INTS4: variants seen among roughly 807,000 people sequenced by gnomAD.
The protein encoded by INTS4 is integrator complex subunit 4, also known as MSTP093.
A neutral mutation model predicts 119.5 loss-of-function variants in INTS4; 70 were observed. The ratio of observed to expected loss-of-function variants is 0.59; its 90% CI spans 0.48 to 0.71. INTS4 has a LOEUF of 0.71. INTS4 is among the 30% of genes least tolerant of loss of function. INTS4 has a pLI of 0.00. For synonymous variants in INTS4, 316 were observed against 419.6 expected, an observed-to-expected ratio of 0.75 and a Z score of 3.02; for missense variants, 867 against 1,173.2, an observed-to-expected ratio of 0.74 and a Z score of 3.81.
intron 15 of INTS4, among the ~76,000 whole-genome samples, chr11:77,912,897 C>T (rs1231189308): frequency 2.6e-5 from 4 of 152,158 alleles, no homozygotes; most frequent in African/African-American, 9.7e-5. Context: ...TAAAAAATCC[C>T]ATGTTCTTCA....
At chr11:77,961,214 A>G in intron 4 of INTS4, 76 bp from the exon 5 acceptor site, 8 of 1,432,466 alleles carry the variant, frequency 5.6e-6, no homozygotes, top group East Asian at 2.5e-5. Context: ...ACAAACACAG[A>G]CAAGACCAGA....
At chr11:77,894,971 G>A (rs191315090) in intron 18 of INTS4, among the ~76,000 whole-genome samples, 80 of 152,250 alleles carry the variant, frequency 5.3e-4, no homozygotes, top group African/African-American at 1.9e-3. Context: ...GATACTGTAA[G>A]GGCTCCAAGA....
Position 77,948,555 on chromosome 11 carries a change from G to A in INTS4, c.919-7304C>T, listed in dbSNP as rs545201172. On this transcript the variant is annotated intron_variant, in intron 8 of 22. Transcript: ENST00000534064. ...CCCGGTACTGGGGAGGTTGGGGCAC[G>A]AGAACCACTTGAACCCAGGAGGTGA... Among the ~76,000 whole-genome samples, 121 of 151,182 alleles carry A rather than the reference G, an allele frequency of 8.0e-4. 1 individual carries two copies. Among genetic ancestry groups the A allele is most frequent in the African/African-American group, 2.7e-3 (112 of 41,150 alleles).
At chr11:77,928,627 C>T (rs1953569739) in intron 10 of INTS4, 80 bp from the exon 11 acceptor site, 1 of 1,523,342 alleles carries the variant, frequency 6.6e-7, no homozygotes, top group African/African-American at 1.4e-5. Context: ...TTTGGGAGGC[C>T]AAGGGAGGCA....
chr11:77,983,982 A>G (rs1856352779), intron 2 of INTS4, among the ~76,000 whole-genome samples: 1 of 152,238 alleles, frequency 6.6e-6, no homozygotes, highest in Non-Finnish European at 1.5e-5. Context: ...AAGCAATGCA[A>G]GTATCCATTG....
At chr11:77,951,861 G>A (rs1338014321) in intron 8 of INTS4, among the ~76,000 whole-genome samples, 2 of 152,112 alleles carry the variant, frequency 1.3e-5, no homozygotes, top group Admixed American at 6.6e-5. Context: ...AAGGATATGA[G>A]CAGACACTTC....
In INTS4 at chr11:77,901,273, C is replaced by G. The variant is rs1350463533; in HGVS notation, c.2228+148G>C. 5 of 852,100 alleles carry G rather than the reference C, an allele frequency of 5.9e-6. No homozygotes were observed. In the Admixed American group the frequency reaches 6.3e-5, roughly 11 times the overall value. 52.8% of individuals were successfully genotyped at this position (852,100 alleles called of 1,614,324 possible). ...GATCCAACAACAGAATTTGTAATAT[C>G]TGAAAAAAATGAATAGATCACACAT... On this transcript the variant is annotated intron_variant, in intron 18 of 22. Transcript: ENST00000534064.
chr11:77,983,573 T>C (rs1165508312), intron 2 of INTS4, among the ~76,000 whole-genome samples: 1 of 152,088 alleles, frequency 6.6e-6, no homozygotes, highest in East Asian at 1.9e-4. Context: ...AATAAACACA[T>C]GAAAAGAGGC....
At chr11:77,881,299 C>T (rs1304958626) in intron 22 of INTS4, among the ~76,000 whole-genome samples, 1 of 152,202 alleles carries the variant, frequency 6.6e-6, no homozygotes, top group East Asian at 1.9e-4. Flanking sequence ...GACTGAGCTT[C>T]CTACGTGGCA....
chr11:77,907,138 TGG>T (rs1327895333), intron 16 of INTS4, among the ~76,000 whole-genome samples: 1 of 152,226 alleles, frequency 6.6e-6, no homozygotes, highest in African/African-American at 2.4e-5. Flanking sequence ...TCATCCAGGC[TGG>T]AGTGCAATCT....
intron 2 of INTS4, among the ~76,000 whole-genome samples, chr11:77,986,374 A>G (rs754944115): frequency 1.1e-4 from 17 of 152,178 alleles, no homozygotes; most frequent in Non-Finnish European, 1.6e-4. Flanking sequence ...AAATAGGAAC[A>G]CTTTTACACT....
intron 4 of INTS4, among the ~76,000 whole-genome samples, chr11:77,976,604 A>C (rs565187393): frequency 3.3e-5 from 5 of 152,308 alleles, no homozygotes; most frequent in African/African-American, 7.2e-5. Flanking sequence ...ATAAATCATG[A>C]TGCTATAAAG....
At position 77,947,827 on chromosome 11, in the gene INTS4, A is replaced by G. The variant is rs577650552; in HGVS notation, c.919-6576T>C. On this transcript the variant is annotated intron_variant, in intron 8 of 22. Coordinates refer to ENST00000534064, the MANE Select transcript of INTS4 (RefSeq NM_033547.4). ...AGTTGAGTTGCTATCAGCTTAAAAC[A>G]TTCTATTGTAACTGCAAGACTTTTT... Among the ~76,000 whole-genome samples, 137 of 152,274 alleles carry G rather than the reference A, an allele frequency of 9.0e-4. No individual in the cohort carries two copies. In the Middle Eastern group the frequency reaches 0.01, roughly 11 times the overall value.
chr11:77,963,565 AAATT>A (rs1163085872), intron 4 of INTS4: 5 of 343,802 alleles, frequency 1.5e-5, no homozygotes, highest in Non-Finnish European at 2.3e-5. Context: ...TCAAAAATAA[AAATT>A]AATTTACAAT....
chr11:77,929,767 C>T (rs1953601515), intron 10 of INTS4, among the ~76,000 whole-genome samples: 1 of 152,168 alleles, frequency 6.6e-6, no homozygotes, highest in Non-Finnish European at 1.5e-5. Flanking sequence ...AGTAACTCAA[C>T]TTCCTGGCAC....
intron 4 of INTS4, among the ~76,000 whole-genome samples, chr11:77,976,488 G>C (rs952044655): frequency 6.6e-6 from 1 of 152,154 alleles, no homozygotes; most frequent in African/African-American, 2.4e-5. Context: ...TTCGAGACCA[G>C]CCTAGGCAAC....
At chr11:77,988,372 T>G (rs947747571) in intron 2 of INTS4, among the ~76,000 whole-genome samples, 1 of 152,238 alleles carries the variant, frequency 6.6e-6, no homozygotes, top group Admixed American at 6.5e-5. Flanking sequence ...ATTTATTCAT[T>G]CAACAAATAT....
At chr11:77,878,645 A>C, downstream of INTS4, 1 of 626,220 alleles carries the variant, frequency 1.6e-6, no homozygotes, top group Non-Finnish European at 2.8e-6. Context: ...CCTGAGGAAT[A>C]GCATGTAAGC....
chr11:77,979,000 C>A lies in INTS4; in HGVS notation c.467G>T (p.Cys156Phe), dbSNP rs1420041276. The part of the protein sequence containing the change: ...AIQMRLVDVA[C>F]KHLTDTSHGV... ...GAATAGATTTTATACTCTTACCTTG[C>A]AGGCCACATCAACTAATCGCATTTG... Residue 156 changes from cysteine (C) to phenylalanine (F), a missense_variant, in exon 4 of 23, where the codon TGC becomes TTC. Transcript: ENST00000534064. 1 of 1,595,230 alleles carries A rather than the reference C, an allele frequency of 6.3e-7. No individual in the cohort carries two copies. Among genetic ancestry groups the A allele is most frequent in the African/African-American group, 1.3e-5 (1 of 74,590 alleles).
Sources: gnomAD v4.1 joint callset for allele counts (sites outside exome capture counted in the v4.1 genomes callset) on GRCh38, gnomAD v4.1.1 for gene constraint, MANE v1.5 for transcripts, NCBI Gene and HGNC (gene_info 2026-07-23, HGNC 2026-07-21) for gene names.